The following ERG variants were observed in gnomAD, a reference collection of about 807,000 sequenced individuals.
The protein encoded by ERG is ETS transcription factor ERG.
A neutral mutation model predicts 55.3 loss-of-function variants in ERG; 9 were observed. That is an observed-to-expected ratio of 0.16 (90% CI 0.10 to 0.28). The LOEUF is 0.28. Among genes scored for constraint, ERG ranks in the 10% least tolerant of loss-of-function variants. The probability of loss-of-function intolerance (pLI) is 1.00; values close to 1 mark genes in which losing one functional copy is unlikely to be tolerated. For missense variants in ERG, 434 were observed against 631.6 expected, an observed-to-expected ratio of 0.69 and a Z score of 3.35; for synonymous variants, 223 against 237.3, an observed-to-expected ratio of 0.94 and a Z score of 0.55.
rs1568885405 is a variant in ERG at position 38,528,437 on chromosome 21, T to TGTAAACATAACTA, written c.-41+47224_-41+47225insTAGTTATGTTTAC. On this transcript the variant is annotated intron_variant, in intron 2 of 8. Coordinates refer to the ERG transcript ENST00000398897. ...ACATTAGGAAGCCATAGCAAACTTTTTTTTTTTTTTTTTTTTTTTTTTTTT... is the reference window on the plus strand; with the variant it reads ...ACATTAGGAAGCCATAGCAAACTTTTGTAAACATAACTATTTTTTTTTTTTTTTTTTTTTTTTT... Among the ~76,000 whole-genome samples, 5 of 28,898 alleles carry TGTAAACATAACTA rather than the reference T, an allele frequency of 1.7e-4. No homozygotes were observed. The South Asian group carries it at 3.8e-3, about 22-fold the overall frequency. 19.0% of individuals were successfully genotyped at this position (28,898 alleles called of 152,430 possible). A position where few individuals can be genotyped will look rare whatever the true frequency, so the allele number is the denominator to read the frequency against.
downstream of ERG, among the ~76,000 whole-genome samples, chr21:38,379,147 C>T (rs1436922524): frequency 6.6e-6 from 1 of 152,224 alleles, no homozygotes; most frequent in East Asian, 1.9e-4. Context: ...AACCCGTCAC[C>T]TCAGCCTGTT....
At chr21:38,592,831 T>C (rs943826737) in intron 1 of ERG, among the ~76,000 whole-genome samples, 1 of 152,222 alleles carries the variant, frequency 6.6e-6, no homozygotes, top group Non-Finnish European at 1.5e-5. Context: ...CGCATACTTC[T>C]TGTCAGTCTT....
At chr21:38,508,996 G>A (rs760169905) in intron 2 of ERG, among the ~76,000 whole-genome samples, 3 of 152,156 alleles carry the variant, frequency 2.0e-5, no homozygotes, top group Non-Finnish European at 4.4e-5. Context: ...ATCAGTCCCA[G>A]CCCACAGCCA....
At chr21:38,641,228 T>C (rs1385887722) in intron 1 of ERG, among the ~76,000 whole-genome samples, 3 of 152,158 alleles carry the variant, frequency 2.0e-5, no homozygotes, top group African/African-American at 4.8e-5. Context: ...GTGTTGAGGA[T>C]GGACCCTTCA....
intron 1 of ERG, among the ~76,000 whole-genome samples, chr21:38,577,428 G>A (rs1273811699): frequency 6.6e-6 from 1 of 152,074 alleles, no homozygotes; most frequent in Non-Finnish European, 1.5e-5. Flanking sequence ...TCTAGGTCTT[G>A]GAAAATATGT....
intron 2 of ERG, among the ~76,000 whole-genome samples, chr21:38,567,942 A>G: frequency 6.6e-6 from 1 of 152,212 alleles, no homozygotes; most frequent in Non-Finnish European, 1.5e-5. Context: ...TCTTCCGTCT[A>G]TGAAACAGAC....
the ERG span, among the ~76,000 whole-genome samples, chr21:38,372,635 C>A: frequency 1.3e-5 from 2 of 151,886 alleles, no homozygotes; most frequent in Non-Finnish European, 2.9e-5. Context: ...TAATTGACAT[C>A]TAGCATAATT....
At chr21:38,489,389 C>A (rs2059315890) in intron 1 of ERG, among the ~76,000 whole-genome samples, 1 of 152,192 alleles carries the variant, frequency 6.6e-6, no homozygotes, top group Non-Finnish European at 1.5e-5. Context: ...AAGTGGCTTC[C>A]TTCACTAGAA....
chr21:38,494,467 TG>T (rs888383056), intron 1 of ERG, among the ~76,000 whole-genome samples: 1 of 152,258 alleles, frequency 6.6e-6, no homozygotes, highest in Non-Finnish European at 1.5e-5. Flanking sequence ...ATAATGGCTT[TG>T]GGTCTCCACT....
chr21:38,440,950 C>T (rs900012688), intron 2 of ERG, among the ~76,000 whole-genome samples: 2 of 152,172 alleles, frequency 1.3e-5, no homozygotes, highest in African/African-American at 2.4e-5. Flanking sequence ...CCCCATTCCC[C>T]TTCAGGAAGC....
chr21:38,492,111 T>C (rs1316023102), intron 1 of ERG, among the ~76,000 whole-genome samples: 2 of 152,156 alleles, frequency 1.3e-5, no homozygotes, highest in African/African-American at 2.4e-5. Flanking sequence ...CTAGGGTGAA[T>C]AGCAGGAAAA....
intron 1 of ERG, among the ~76,000 whole-genome samples, chr21:38,625,827 G>A (rs888771256): frequency 6.6e-6 from 1 of 151,588 alleles, no homozygotes; most frequent in Non-Finnish European, 1.5e-5. Context: ...TATGATTGGC[G>A]ATATGGTGCG....
At chr21:38,468,973 ACT>A (rs1419433422) in intron 1 of ERG, among the ~76,000 whole-genome samples, 12 of 125,560 alleles carry the variant, frequency 9.6e-5, no homozygotes, top group Non-Finnish European at 1.8e-4. Flanking sequence ...AGACAGCCAG[ACT>A]CTGTCTCAAA....
Position 38,429,667 on chromosome 21 carries a change from A to G in ERG, c.237-6106T>C, listed in dbSNP as rs188061137. 6.6e-4 allele frequency among the ~76,000 whole-genome samples: 89 copies of G among 134,264 alleles called. 19 individuals are homozygous for G. Among genetic ancestry groups the G allele is most frequent in the African/African-American group, 2.7e-3 (75 of 27,742 alleles). The allele number at this position is 134,264 out of a possible 152,430, so 88.1% of individuals were successfully genotyped here. A position where few individuals can be genotyped will look rare whatever the true frequency, so the allele number is the denominator to read the frequency against. On this transcript the variant is annotated intron_variant, in intron 2 of 9. Transcript: ENST00000288319. ...TATACACATGTACATATATACATAT[A>G]TGTGTATATATGTATATATGTGTGT...
At chr21:38,602,984 A>G (rs912829995) in intron 1 of ERG, among the ~76,000 whole-genome samples, 4 of 151,960 alleles carry the variant, frequency 2.6e-5, no homozygotes, top group Non-Finnish European at 5.9e-5. Context: ...AGGCAAGAAC[A>G]AAATCTGCCA....
At chr21:38,406,154 CAA>C (rs56711562) in intron 3 of ERG, among the ~76,000 whole-genome samples, 6 of 95,022 alleles carry the variant, frequency 6.3e-5, no homozygotes, top group East Asian at 3.5e-4. Context: ...GACTCCATCT[CAA>C]AAAAAAAAAA....
intron 2 of ERG, among the ~76,000 whole-genome samples, chr21:38,534,164 G>A (rs932837074): frequency 3.5e-4 from 54 of 152,208 alleles, no homozygotes; most frequent in Admixed American, 3.4e-3. Flanking sequence ...TCTGATAAGG[G>A]TCTGCTCTGA....
rs577449397 is a variant in ERG, at chr21:38,486,155, C to G, written c.18+12208G>C. Among the ~76,000 whole-genome samples the G allele has an allele frequency of 2.7e-3, 400 of 149,448 alleles. 2 individuals are homozygous for G. The highest frequency in any genetic ancestry group is 9.3e-3 in the African/African-American group (379 of 40,646). ...TCACTGTGTTAGCCAGGATGGTCTC[C>G]ATCTCCTGACCTCGTGATCTGCCCG... On this transcript the variant is annotated intron_variant, in intron 1 of 9. Coordinates refer to ENST00000288319, the MANE Select transcript of ERG (RefSeq NM_182918.4).
chr21:38,584,480 C>G (rs2060050104), intron 1 of ERG, among the ~76,000 whole-genome samples: 1 of 152,168 alleles, frequency 6.6e-6, no homozygotes. Flanking sequence ...ATCGTAAAAG[C>G]ACCAGTCTGT....
Sources: allele counts gnomAD v4.1 joint callset (sites outside exome capture counted in the v4.1 genomes callset), GRCh38; gene constraint gnomAD v4.1.1; transcripts MANE v1.5; gene names NCBI Gene and HGNC (gene_info 2026-07-23, HGNC 2026-07-21).